SORCS3: variants seen among roughly 807,000 people sequenced by gnomAD.
SORCS3 encodes the protein sortilin related VPS10 domain containing receptor 3.
In SORCS3, 57 loss-of-function variants were observed where a neutral mutation model predicts 146.3. That is an observed-to-expected ratio of 0.39 (90% CI 0.31 to 0.49). The LOEUF is 0.49. Among genes scored for constraint, SORCS3 ranks in the 20% least tolerant of loss-of-function variants. SORCS3 has a pLI of 0.92. For missense variants in SORCS3, 1,341 were observed against 1,575.5 expected (o/e 0.85, Z 2.52); for synonymous variants, 653 against 618.5 (o/e 1.06, Z -0.83).
At chr10:105,021,099 T>C (rs924399248) in intron 4 of SORCS3, among the ~76,000 whole-genome samples, 1 of 152,216 alleles carries the variant, frequency 6.6e-6, no homozygotes, top group Non-Finnish European at 1.5e-5. Flanking sequence ...GCCATCAGCA[T>C]GTATGTACAC....
At chr10:105,088,021 G>T (rs1461016420) in intron 5 of SORCS3, among the ~76,000 whole-genome samples, 1 of 152,212 alleles carries the variant, frequency 6.6e-6, no homozygotes, top group African/African-American at 2.4e-5. Flanking sequence ...AAAGGGCTCT[G>T]CAGTGATACT....
At chr10:104,808,247 A>G (rs919390969) in intron 1 of SORCS3, among the ~76,000 whole-genome samples, 2 of 152,246 alleles carry the variant, frequency 1.3e-5, no homozygotes, top group Non-Finnish European at 2.9e-5. Context: ...GTGGATCTTC[A>G]TTTATCCATT....
At chr10:104,653,287 G>T (rs1261704789) in intron 1 of SORCS3, among the ~76,000 whole-genome samples, 1 of 152,130 alleles carries the variant, frequency 6.6e-6, no homozygotes, top group East Asian at 1.9e-4. Context: ...TAAAGAATAT[G>T]CTATTTCACC....
intron 5 of SORCS3, among the ~76,000 whole-genome samples, chr10:105,083,732 A>G (rs1195540047): frequency 6.6e-6 from 1 of 152,114 alleles, no homozygotes; most frequent in African/African-American, 2.4e-5. Flanking sequence ...CTTACCAATT[A>G]CCTTCAATAT....
intron 1 of SORCS3, among the ~76,000 whole-genome samples, chr10:104,700,097 G>C (rs772627184): frequency 6.6e-6 from 1 of 152,216 alleles, no homozygotes; most frequent in Non-Finnish European, 1.5e-5. Context: ...ACGCTGAGCT[G>C]TGATTTTAGG....
chr10:104,676,176 A>G (rs1028422985), intron 1 of SORCS3, among the ~76,000 whole-genome samples: 6 of 152,124 alleles, frequency 3.9e-5, no homozygotes, highest in Non-Finnish European at 7.3e-5. Context: ...GTGTCTTCAT[A>G]TCTTTTATTT....
intron 9 of SORCS3, among the ~76,000 whole-genome samples, chr10:105,154,081 A>AG (rs2056188379): frequency 6.6e-6 from 1 of 150,936 alleles, no homozygotes; most frequent in African/African-American, 2.4e-5. Flanking sequence ...AAAAAAAAAA[A>AG]AAAAAAAGAA....
chr10:104,756,353 G>T (rs567353694), intron 1 of SORCS3, among the ~76,000 whole-genome samples: 24 of 152,252 alleles, frequency 1.6e-4, no homozygotes, highest in African/African-American at 5.5e-4. Flanking sequence ...TCCTCTACAC[G>T]CAATAGAAAT....
chr10:105,174,895 C>T (rs1020903536), intron 13 of SORCS3, among the ~76,000 whole-genome samples: 5 of 152,080 alleles, frequency 3.3e-5, no homozygotes, highest in African/African-American at 1.2e-4. Context: ...ATGGTCTCTC[C>T]GTGTCGGCTC....
At chr10:104,937,118 ATCCCTTG>A (rs2019268049) in intron 3 of SORCS3, among the ~76,000 whole-genome samples, 1 of 152,168 alleles carries the variant, frequency 6.6e-6, no homozygotes, top group Admixed American at 6.5e-5. Flanking sequence ...TGCAACCTAG[ATCCCTTG>A]TATGTGCAGT....
intron 4 of SORCS3, 98 bp downstream of exon 4, chr10:104,977,591 A>G (rs2054907771): frequency 8.6e-7 from 1 of 1,164,318 alleles, no homozygotes; most frequent in Non-Finnish European, 1.2e-6. Context: ...GAATTCAGTG[A>G]CATTTCATCA....
chr10:105,089,887 G>A, intron 6 of SORCS3, 48 bp downstream of exon 6: 1 of 1,435,740 alleles, frequency 7.0e-7, no homozygotes, highest in Non-Finnish European at 9.8e-7. Context: ...CTGCCTGCAG[G>A]TCTCTGTCCT....
At chr10:104,774,558 C>T (rs548391377) in intron 1 of SORCS3, among the ~76,000 whole-genome samples, 3 of 152,234 alleles carry the variant, frequency 2.0e-5, no homozygotes, top group South Asian at 2.1e-4. Context: ...GTTGAGATGA[C>T]ATGGCAGCTT....
At chr10:104,852,138 A>G (rs1177827579) in intron 2 of SORCS3, among the ~76,000 whole-genome samples, 1 of 152,200 alleles carries the variant, frequency 6.6e-6, no homozygotes, top group African/African-American at 2.4e-5. Context: ...TACTATTTTT[A>G]GTCATTGTCC....
chr10:105,104,075 A>T lies in SORCS3; in HGVS notation c.1094-1322A>T, dbSNP rs545117529. Among the ~76,000 whole-genome samples the T allele has an allele frequency of 2.0e-5, 3 of 152,112 alleles. No homozygotes were observed. In the East Asian group the frequency reaches 5.8e-4, roughly 29 times the overall value. Reference sequence around the variant, plus strand: ...CATAGTTTAATCTCAATTGTTATACATTTTTTTCTGTAAGTCTTTTGCTTT... The same window carrying T: ...CATAGTTTAATCTCAATTGTTATACTTTTTTTTCTGTAAGTCTTTTGCTTT... On this transcript the variant is annotated intron_variant, in intron 6 of 26. Coordinates refer to ENST00000369701, the MANE Select transcript of SORCS3 (RefSeq NM_014978.3).
chr10:104,972,227 T>A (rs566319162), intron 3 of SORCS3, among the ~76,000 whole-genome samples: 5 of 152,134 alleles, frequency 3.3e-5, no homozygotes, highest in African/African-American at 1.2e-4. Flanking sequence ...CAAAGCCAGT[T>A]TGGATATTAT....
intron 1 of SORCS3, among the ~76,000 whole-genome samples, chr10:104,663,909 C>T (rs375036874): frequency 8.7e-4 from 132 of 152,264 alleles, no homozygotes; most frequent in African/African-American, 3.0e-3. Context: ...CCACCCCGGC[C>T]TCTCTGAATG....
Position 105,255,774 on chromosome 10 carries a change from A to G in SORCS3, c.3310A>G (p.Ile1104Val). The change falls in exon 24 of 27, where the codon ATT (isoleucine) becomes GTT (valine). Residue 1104 changes from isoleucine (I) to valine (V), a missense_variant. Ile to Val is a conservative substitution (Grantham distance 29). Coordinates refer to ENST00000369701, the MANE Select transcript of SORCS3 (RefSeq NM_014978.3). ...TGAGCTGAAGCCGGGGGTACAAGTC[A>G]TTGTGTATGTCACACAGCTGACGTT... ...QFELKPGVQV[I>V]VYVTQLTLAP... 2 of 1,613,888 alleles carry G rather than the reference A, an allele frequency of 1.2e-6. No individual in the cohort carries two copies. The highest frequency in any genetic ancestry group is 1.1e-5 in the South Asian group (1 of 90,998).
intron 13 of SORCS3, among the ~76,000 whole-genome samples, chr10:105,176,566 A>G (rs1422276225): frequency 6.6e-6 from 1 of 151,820 alleles, no homozygotes; most frequent in African/African-American, 2.4e-5. Flanking sequence ...TAAAAAAACA[A>G]AAAACATGGC....
Sources: allele counts gnomAD v4.1 joint callset (sites outside exome capture counted in the v4.1 genomes callset), GRCh38; gene constraint gnomAD v4.1.1; transcripts MANE v1.5; gene names NCBI Gene and HGNC (gene_info 2026-07-23, HGNC 2026-07-21).